Variants in SMCO2 observed in about 807,000 individuals in gnomAD.
SMCO2 encodes single-pass membrane protein with coiled-coil domains 2, also known as single-pass membrane and coiled-coil domain-containing protein 2.
In SMCO2, 25 loss-of-function variants were observed where a neutral mutation model predicts 29.5. The observed-to-expected ratio is 0.85, with a 90% CI of 0.62 to 1.18. The LOEUF (loss-of-function observed/expected upper bound fraction) is 1.18, where lower values mean the gene tolerates loss of function less well. SMCO2 is among the 50% of genes most tolerant of loss of function. SMCO2 has a pLI of 0.00. For missense variants in SMCO2, 348 were observed against 344.5 expected, an observed-to-expected ratio of 1.01 and a Z score of -0.08; for synonymous variants, 117 against 123.3, an observed-to-expected ratio of 0.95 and a Z score of 0.34.
At chr12:27,481,756 T>A (rs950278943) in intron 4 of SMCO2, among the ~76,000 whole-genome samples, 2 of 152,238 alleles carry the variant, frequency 1.3e-5, no homozygotes, top group Non-Finnish European at 2.9e-5. Context: ...TGTGCCCATT[T>A]TATCAAAGTT....
At chr12:27,424,378 A>G in the SMCO2 span, 1 of 152,260 alleles carries the variant, frequency 6.6e-6, no homozygotes, top group Non-Finnish European at 1.5e-5. Context: ...ATGTGTTATT[A>G]CAGGATGATA....
intron 5 of SMCO2, 96 bp from the exon 7 acceptor site, chr12:27,494,204 G>A: frequency 1.4e-6 from 1 of 727,694 alleles, no homozygotes; most frequent in Non-Finnish European, 2.1e-6. Context: ...CTTCAATGAA[G>A]CATTTTATAA....
intron 5 of SMCO2, among the ~76,000 whole-genome samples, chr12:27,490,750 C>T (rs533228482): frequency 3.3e-5 from 5 of 152,018 alleles, no homozygotes; most frequent in Admixed American, 2.0e-4. Flanking sequence ...GGCAACATAG[C>T]GAGACCCCTA....
At chr12:27,430,953 C>CTTT in the SMCO2 span, among the ~76,000 whole-genome samples, 2 of 151,978 alleles carry the variant, frequency 1.3e-5, no homozygotes. Flanking sequence ...GGACCCTAAC[C>CTTT]CCCTGAACTC....
the SMCO2 span, among the ~76,000 whole-genome samples, chr12:27,438,492 C>T: frequency 6.6e-6 from 1 of 152,254 alleles, no homozygotes; most frequent in South Asian, 2.1e-4. Context: ...GCCTTTCTTC[C>T]CTAACCTGCT....
chr12:27,437,176 C>T, the SMCO2 span, among the ~76,000 whole-genome samples: 8 of 152,084 alleles, frequency 5.3e-5, no homozygotes, highest in African/African-American at 9.7e-5. Context: ...GAGGCTGAGG[C>T]GGGAGGATCA....
intron 4 of SMCO2, among the ~76,000 whole-genome samples, chr12:27,485,049 C>T (rs536903708): frequency 5.9e-5 from 9 of 151,764 alleles, no homozygotes; most frequent in African/African-American, 2.2e-4. Flanking sequence ...GTTCCCTCAT[C>T]TCACCATCAA....
chr12:27,499,396 C>G (rs1241101679), intron 7 of SMCO2, among the ~76,000 whole-genome samples: 2 of 150,484 alleles, frequency 1.3e-5, no homozygotes, highest in Non-Finnish European at 2.9e-5. Flanking sequence ...CATATAGATT[C>G]AAAGTAGATT....
chr12:27,501,896 T>C, intron 7 of SMCO2, 27 bp from the exon 9 acceptor site: 1 of 1,465,608 alleles, frequency 6.8e-7, no homozygotes, highest in South Asian at 1.4e-5. Context: ...AGAATTTGGT[T>C]AACACAGATG....
At chr12:27,486,383 C>A (rs1949689479) in intron 4 of SMCO2, among the ~76,000 whole-genome samples, 3 of 152,218 alleles carry the variant, frequency 2.0e-5, no homozygotes, top group Non-Finnish European at 4.4e-5. Flanking sequence ...TCGGGAAACT[C>A]TTTCCAGGAG....
upstream of SMCO2, among the ~76,000 whole-genome samples, chr12:27,465,067 A>C (rs547527799): frequency 2.0e-5 from 3 of 151,018 alleles, no homozygotes; most frequent in Non-Finnish European, 2.9e-5. Context: ...AAAAGAAAAG[A>C]AAAAGAGAGA....
At chr12:27,459,851 A>G in the SMCO2 span, among the ~76,000 whole-genome samples, 1 of 152,158 alleles carries the variant, frequency 6.6e-6, no homozygotes, top group Non-Finnish European at 1.5e-5. Context: ...CTTCCACCTA[A>G]CTCACATTGT....
At chr12:27,453,001 A>G in the SMCO2 span, among the ~76,000 whole-genome samples, 1 of 152,180 alleles carries the variant, frequency 6.6e-6, no homozygotes, top group African/African-American at 2.4e-5. Flanking sequence ...TTTGATGCCA[A>G]CAATCTCAGA....
At chr12:27,488,111 C>G (rs1949704845) in intron 4 of SMCO2, among the ~76,000 whole-genome samples, 1 of 152,066 alleles carries the variant, frequency 6.6e-6, no homozygotes, top group South Asian at 2.1e-4. Flanking sequence ...TCAATTTTCC[C>G]TCTTACAGAT....
the SMCO2 span, among the ~76,000 whole-genome samples, chr12:27,429,151 A>G: frequency 6.6e-6 from 1 of 152,110 alleles, no homozygotes; most frequent in Non-Finnish European, 1.5e-5. Flanking sequence ...AAAAGACACT[A>G]TTTCTTTGTA....
intron 4 of SMCO2, among the ~76,000 whole-genome samples, chr12:27,484,871 A>AAATAT (rs1555174672): frequency 7.8e-5 from 6 of 77,222 alleles, no homozygotes; most frequent in African/African-American, 2.7e-4. Context: ...AAAAAAAAAA[A>AAATAT]ATATATATAT....
chr12:27,451,858 C>G, the SMCO2 span, among the ~76,000 whole-genome samples: 11 of 152,210 alleles, frequency 7.2e-5, no homozygotes, highest in Admixed American at 3.3e-4. Flanking sequence ...GTCCCAACTA[C>G]CCTCCTTCTT....
intron 7 of SMCO2, chr12:27,498,511 T>A (rs1038546910): frequency 4.4e-6 from 1 of 228,824 alleles, no homozygotes; most frequent in African/African-American, 2.4e-5. Flanking sequence ...ACATGTGGTG[T>A]ACGCTGCTGC....
the SMCO2 span, among the ~76,000 whole-genome samples, chr12:27,427,657 G>C: frequency 6.6e-6 from 1 of 152,136 alleles, no homozygotes; most frequent in African/African-American, 2.4e-5. Context: ...AGCCAGAGAG[G>C]GGAAGGGATG....
Sources: gnomAD v4.1 joint callset for allele counts (sites outside exome capture counted in the v4.1 genomes callset) on GRCh38, gnomAD v4.1.1 for gene constraint, MANE v1.5 for transcripts, NCBI Gene and HGNC (gene_info 2026-07-23, HGNC 2026-07-21) for gene names.